C12orf42: variants seen among roughly 807,000 people sequenced by gnomAD.
C12orf42 encodes chromosome 12 open reading frame 42.
In C12orf42, 25 loss-of-function variants were observed where a neutral mutation model predicts 21.6. The ratio of observed to expected loss-of-function variants is 1.16; its 90% CI spans 0.84 to 1.62. The LOEUF (loss-of-function observed/expected upper bound fraction) is 1.62. Ranked by LOEUF, C12orf42 falls within the 40% of genes most tolerant of loss-of-function variation. The pLI is 0.00. For missense variants in C12orf42, 483 were observed against 459.3 expected (o/e 1.05, Z -0.47); for synonymous variants, 174 against 175.0 (o/e 0.99, Z 0.05).
chr12:103,375,966 C>T (rs903416708), intron 3 of C12orf42, among the ~76,000 whole-genome samples: 1 of 152,132 alleles, frequency 6.6e-6, no homozygotes, highest in Non-Finnish European at 1.5e-5. Flanking sequence ...AAATCTGAGA[C>T]CAAAATCTTG....
the C12orf42 span, among the ~76,000 whole-genome samples, chr12:103,127,996 A>G: frequency 2.0e-5 from 3 of 152,172 alleles, no homozygotes; most frequent in Admixed American, 1.3e-4. Flanking sequence ...TTAATTCTTG[A>G]CTAGCCTTTC....
chr12:103,061,923 A>G, the C12orf42 span, among the ~76,000 whole-genome samples: 1 of 149,692 alleles, frequency 6.7e-6, no homozygotes, highest in South Asian at 2.1e-4. Flanking sequence ...TCTCATTCTT[A>G]TTTTCTTTTG....
At chr12:103,299,416 T>A (rs2037511329), downstream of C12orf42, among the ~76,000 whole-genome samples, 3 of 152,100 alleles carry the variant, frequency 2.0e-5, no homozygotes, top group South Asian at 6.2e-4. Flanking sequence ...CTAGAGATTA[T>A]CCTAAATACT....
the C12orf42 span, among the ~76,000 whole-genome samples, chr12:103,511,619 A>G: frequency 6.6e-6 from 1 of 151,414 alleles, no homozygotes; most frequent in East Asian, 1.9e-4. Flanking sequence ...AGCATAGATA[A>G]ATGCATCCAA....
intron 10 of C12orf42, among the ~76,000 whole-genome samples, chr12:103,259,126 G>A (rs146895930): frequency 2.6e-4 from 40 of 152,220 alleles, no homozygotes; most frequent in African/African-American, 9.2e-4. Context: ...ACCACATAAC[G>A]GAAAATTTAA....
chr12:103,507,096 AT>A, the C12orf42 span, among the ~76,000 whole-genome samples: 3 of 10,518 alleles, frequency 2.9e-4, no homozygotes, highest in Non-Finnish European at 3.6e-4. Context: ...AATATATATT[AT>A]ATATATAATA....
the C12orf42 span, among the ~76,000 whole-genome samples, chr12:103,056,898 C>T: frequency 6.6e-6 from 1 of 152,076 alleles, no homozygotes; most frequent in African/African-American, 2.4e-5. Context: ...ATTTTGTTTG[C>T]TTAAAGCACG....
chr12:103,563,727 A>C, the C12orf42 span, among the ~76,000 whole-genome samples: 1 of 152,250 alleles, frequency 6.6e-6, no homozygotes, highest in Admixed American at 6.5e-5. Flanking sequence ...GACCTGCTGG[A>C]GAGCACATGG....
the C12orf42 span, among the ~76,000 whole-genome samples, chr12:103,188,726 A>C: frequency 6.6e-6 from 1 of 152,136 alleles, no homozygotes; most frequent in Admixed American, 6.5e-5. Flanking sequence ...TTGTCATATG[A>C]TACTCTGGCT....
At chr12:103,284,841 CTATAA>C (rs1368432061) in intron 4 of C12orf42, among the ~76,000 whole-genome samples, 2 of 152,120 alleles carry the variant, frequency 1.3e-5, no homozygotes, top group African/African-American at 2.4e-5. Context: ...ATAAAGACTA[CTATAA>C]TATAAGCTGG....
the C12orf42 span, among the ~76,000 whole-genome samples, chr12:103,160,265 G>C: frequency 5.3e-5 from 8 of 152,266 alleles, no homozygotes; most frequent in South Asian, 4.1e-4. Context: ...ACAGGGAGTT[G>C]CATAGATTTA....
At chr12:103,157,983 C>G in the C12orf42 span, among the ~76,000 whole-genome samples, 2 of 152,150 alleles carry the variant, frequency 1.3e-5, no homozygotes, top group African/African-American at 4.8e-5. Flanking sequence ...ATTACTCTCT[C>G]ACAAAGAAAT....
chr12:103,390,004 A>G (rs1177157867), intron 3 of C12orf42, among the ~76,000 whole-genome samples: 2 of 152,294 alleles, frequency 1.3e-5, no homozygotes, highest in African/African-American at 4.8e-5. Flanking sequence ...CTATTCTTGT[A>G]AGATCATTTT....
chr12:103,381,624 T>C (rs1055955582), intron 3 of C12orf42, among the ~76,000 whole-genome samples: 3 of 152,144 alleles, frequency 2.0e-5, no homozygotes, highest in Non-Finnish European at 4.4e-5. Context: ...CTTGGGCAAA[T>C]TGCTTTATCT....
the C12orf42 span, among the ~76,000 whole-genome samples, chr12:103,090,713 G>T: frequency 1.6e-4 from 24 of 152,046 alleles, no homozygotes; most frequent in African/African-American, 5.5e-4. Flanking sequence ...TCCCCAGGAA[G>T]ATACCTACAT....
the C12orf42 span, among the ~76,000 whole-genome samples, chr12:103,179,392 A>T: frequency 6.6e-6 from 1 of 152,232 alleles, no homozygotes; most frequent in African/African-American, 2.4e-5. Context: ...GGCAGTGAAG[A>T]ATGGGCTGAG....
intron 2 of C12orf42, 84 bp from the exon 3 acceptor site, chr12:103,401,759 C>A: frequency 7.8e-7 from 1 of 1,287,778 alleles, no homozygotes; most frequent in East Asian, 2.4e-5. Flanking sequence ...GGTTTTTAGG[C>A]AGATCAGAAG....
chr12:103,342,020 G>T (rs188511431), intron 4 of C12orf42, among the ~76,000 whole-genome samples: 64 of 150,700 alleles, frequency 4.2e-4, no homozygotes, highest in African/African-American at 1.5e-3. Context: ...TAACAGAATC[G>T]AGAGAGAGAG....
chr12:103,180,813 A>G, the C12orf42 span, among the ~76,000 whole-genome samples: 423 of 150,708 alleles, frequency 2.8e-3, 3 homozygotes, highest in African/African-American at 1.0e-2. Context: ...TTTTTAGTAG[A>G]GATGGGGTTT....
Sources: gnomAD v4.1 joint callset for allele counts (sites outside exome capture counted in the v4.1 genomes callset) on GRCh38, gnomAD v4.1.1 for gene constraint, MANE v1.5 for transcripts, NCBI Gene and HGNC (gene_info 2026-07-23, HGNC 2026-07-21) for gene names.